FNDC3B: variants seen among roughly 807,000 people sequenced by gnomAD.
FNDC3B encodes fibronectin type III domain containing 3B.
Under a neutral mutation model 151.5 loss-of-function variants are expected in FNDC3B, and 12 were observed. That is an observed-to-expected ratio of 0.08 (90% CI 0.05 to 0.13). The LOEUF (loss-of-function observed/expected upper bound fraction) is 0.13, where lower values mean the gene tolerates loss of function less well. Among genes scored for constraint, FNDC3B ranks in the 10% least tolerant of loss-of-function variants. The probability of loss-of-function intolerance (pLI) is 1.00; values close to 1 mark genes in which losing one functional copy is unlikely to be tolerated. For synonymous variants in FNDC3B, 528 were observed against 549.0 expected, an observed-to-expected ratio of 0.96 and a Z score of 0.54; for missense variants, 1,214 against 1,505.3, an observed-to-expected ratio of 0.81 and a Z score of 3.20.
At chr3:172,344,062 A>C in intron 18 of FNDC3B, 24 bp from the exon 19 acceptor site, 1 of 1,597,488 alleles carries the variant, frequency 6.3e-7, no homozygotes, top group South Asian at 1.1e-5. Context: ...GTGTTCTAAG[A>C]TGAAAAAAAT....
At chr3:172,277,928 G>A (rs1729518052) in intron 6 of FNDC3B, among the ~76,000 whole-genome samples, 1 of 152,190 alleles carries the variant, frequency 6.6e-6, no homozygotes, top group South Asian at 2.1e-4. Context: ...ATTTCTTGGG[G>A]TGGTAGTAGG....
At chr3:172,219,371 A>G (rs1324514392) in intron 3 of FNDC3B, among the ~76,000 whole-genome samples, 1 of 152,170 alleles carries the variant, frequency 6.6e-6, no homozygotes, top group Non-Finnish European at 1.5e-5. Context: ...GCTCTCAGAG[A>G]TTTATATGCA....
intron 3 of FNDC3B, among the ~76,000 whole-genome samples, chr3:172,160,281 G>T (rs1722702778): frequency 1.3e-5 from 2 of 152,208 alleles, no homozygotes; most frequent in African/African-American, 4.8e-5. Flanking sequence ...GGCCTTGCCT[G>T]TTGTGGATTT....
At chr3:172,277,933 A>T (rs1729518196) in intron 6 of FNDC3B, among the ~76,000 whole-genome samples, 1 of 152,194 alleles carries the variant, frequency 6.6e-6, no homozygotes, top group African/African-American at 2.4e-5. Context: ...TTGGGGTGGT[A>T]GTAGGTTGTG....
chr3:172,120,462 A>G (rs911713316), intron 2 of FNDC3B, among the ~76,000 whole-genome samples: 6 of 152,140 alleles, frequency 3.9e-5, no homozygotes, highest in African/African-American at 1.4e-4. Flanking sequence ...CTGAAGTAAC[A>G]TTCAGTAAAT....
chr3:172,045,790 CTCTCTATATA>C (rs1716337370), intron 1 of FNDC3B, among the ~76,000 whole-genome samples: 1 of 137,988 alleles, frequency 7.2e-6, no homozygotes, highest in Non-Finnish European at 1.6e-5. Context: ...CTCTCTCTCT[CTCTCTATATA>C]TATATATACA....
chr3:172,310,820 T>C lies in FNDC3B; in HGVS notation c.1201-8T>C, dbSNP rs369168212. ...CTTTCTCTAATCTCATGTTACTATT[T>C]TTTTTAGGCACCAATTGACAACGGT... On this transcript the variant is annotated splice_polypyrimidine_tract_variant and splice_region_variant and intron_variant, in intron 10 of 25. Coordinates refer to ENST00000415807, the MANE Select transcript of FNDC3B (RefSeq NM_022763.4). 3 of 1,606,140 alleles carry C rather than the reference T, an allele frequency of 1.9e-6. No homozygotes were observed. The African/African-American group carries it at 4.0e-5, about 21-fold the overall frequency.
chr3:172,062,268 T>C (rs756823262), intron 1 of FNDC3B, among the ~76,000 whole-genome samples: 2 of 152,036 alleles, frequency 1.3e-5, no homozygotes, highest in Non-Finnish European at 2.9e-5. Flanking sequence ...TGCCCCTGTC[T>C]GTTATTGGTC....
chr3:172,217,726 T>C (rs1474579582), intron 3 of FNDC3B, among the ~76,000 whole-genome samples: 1 of 152,084 alleles, frequency 6.6e-6, no homozygotes, highest in South Asian at 2.1e-4. Context: ...TTCAATGAAA[T>C]TGAGGAAAAT....
At chr3:172,208,738 A>AGTGCTCAGCTT (rs1553773236) in intron 3 of FNDC3B, among the ~76,000 whole-genome samples, 1 of 151,854 alleles carries the variant, frequency 6.6e-6, no homozygotes, top group African/African-American at 2.4e-5. Flanking sequence ...TGGATCAGGC[A>AGTGCTCAGCTT]GCACCACCGG....
At chr3:172,390,759 A>C (rs1306439653) in intron 25 of FNDC3B, among the ~76,000 whole-genome samples, 1 of 152,184 alleles carries the variant, frequency 6.6e-6, no homozygotes, top group African/African-American at 2.4e-5. Context: ...CAGTGATGTC[A>C]TTGTTCGATG....
intron 6 of FNDC3B, among the ~76,000 whole-genome samples, chr3:172,284,020 A>T (rs1320498366): frequency 1.3e-5 from 2 of 152,196 alleles, no homozygotes; most frequent in Non-Finnish European, 2.9e-5. Flanking sequence ...CGCAACAGGA[A>T]AAAAAATAAG....
intron 1 of FNDC3B, among the ~76,000 whole-genome samples, chr3:172,096,036 T>TG (rs1226722331): frequency 1.3e-5 from 2 of 152,256 alleles, no homozygotes; most frequent in Non-Finnish European, 1.5e-5. Flanking sequence ...TGTTCTAAAA[T>TG]ATCTTAAGCC....
intron 6 of FNDC3B, among the ~76,000 whole-genome samples, chr3:172,284,363 T>C (rs1041018384): frequency 6.6e-6 from 1 of 152,186 alleles, no homozygotes; most frequent in African/African-American, 2.4e-5. Flanking sequence ...AGGAAAAAAT[T>C]TGCCTACTCC....
intron 1 of FNDC3B, among the ~76,000 whole-genome samples, chr3:172,053,240 T>C (rs1243700559): frequency 5.9e-5 from 9 of 152,194 alleles, no homozygotes; most frequent in Non-Finnish European, 1.2e-4. Context: ...TAAGTGTTTA[T>C]TGAGTGAATC....
chr3:172,085,689 G>T (rs181166034), intron 1 of FNDC3B, among the ~76,000 whole-genome samples: 74 of 152,286 alleles, frequency 4.9e-4, no homozygotes, highest in Admixed American at 3.8e-3. Flanking sequence ...TTGAGGTCTA[G>T]ACTTTTTATG....
chr3:172,099,700 A>G (rs1039421505), intron 1 of FNDC3B, among the ~76,000 whole-genome samples: 18 of 152,318 alleles, frequency 1.2e-4, no homozygotes, highest in African/African-American at 4.1e-4. Flanking sequence ...TTTGCCTCAC[A>G]AATGTTCTCT....
chr3:172,292,615 C>T (rs1011715447), intron 7 of FNDC3B, among the ~76,000 whole-genome samples: 4 of 152,228 alleles, frequency 2.6e-5, no homozygotes, highest in Non-Finnish European at 5.9e-5. Context: ...TTCACACCAC[C>T]ATTCATGGAA....
chr3:172,179,751 C>CGACT (rs1723786631), intron 3 of FNDC3B, among the ~76,000 whole-genome samples: 1 of 150,088 alleles, frequency 6.7e-6, no homozygotes, highest in African/African-American at 2.5e-5. Context: ...GGCATGGTGG[C>CGACT]GACTGCCTGT....
Sources: allele counts gnomAD v4.1 joint callset (sites outside exome capture counted in the v4.1 genomes callset), GRCh38; gene constraint gnomAD v4.1.1; transcripts MANE v1.5; gene names NCBI Gene and HGNC (gene_info 2026-07-23, HGNC 2026-07-21).